The following SBNO2 variants were observed in gnomAD, a reference collection of about 807,000 sequenced individuals.
SBNO2 encodes the protein protein strawberry notch homolog 2.
SBNO2 carries 89 observed loss-of-function variants against 146.3 expected under a neutral mutation model. That is an observed-to-expected ratio of 0.61 (90% CI 0.51 to 0.73). SBNO2 has a LOEUF of 0.73. SBNO2 is among the 30% of genes least tolerant of loss of function. The pLI is 0.00. For missense variants in SBNO2, 2,092 were observed against 2,003.7 expected (o/e 1.04, Z -0.84); for synonymous variants, 1,147 against 892.6 (o/e 1.29, Z -5.08).
In SBNO2 at chr19:1,117,337, G is replaced by A. The variant is rs775061406; in HGVS notation, c.1690C>T (p.Leu564=). ...RRLVELAREE[L]ARDKCVVIGL... ...CAGCCGCTCACCTTGTCTCGCGCCA[G>A]CTCCTCTCGGGCCAGCTCCACCAGC... Residue 564 remains leucine (L), a synonymous_variant, in exon 15 of 32, where the codon CTG becomes TTG. Transcript: ENST00000361757. The A allele has an allele frequency of 4.7e-5, 74 of 1,571,564 alleles. No homozygotes were observed. Among genetic ancestry groups the A allele is most frequent in the Non-Finnish European group, 5.8e-5 (67 of 1,159,874 alleles).
At chr19:1,133,942 G>A (rs751027156) in intron 4 of SBNO2, among the ~76,000 whole-genome samples, 1 of 152,232 alleles carries the variant, frequency 6.6e-6, no homozygotes, top group African/African-American at 2.4e-5. Flanking sequence ...CCCAGCAGCT[G>A]CACTCCCACG....
chr19:1,154,691 AG>A (rs1009281735), intron 1 of SBNO2, among the ~76,000 whole-genome samples: 3 of 152,210 alleles, frequency 2.0e-5, no homozygotes, highest in Admixed American at 6.5e-5. Flanking sequence ...GGGCAGCCGT[AG>A]GACCAGGCAC....
chr19:1,123,793 C>G (rs1599841733), intron 6 of SBNO2, 149 bp downstream of exon 6: 1 of 1,053,870 alleles, frequency 9.5e-7, no homozygotes, highest in East Asian at 2.6e-5. Context: ...GGTGCTCCCC[C>G]AGGGCCTCCA....
At chr19:1,156,221 C>T (rs113187151) in intron 1 of SBNO2, among the ~76,000 whole-genome samples, 3,109 of 152,280 alleles carry the variant, frequency 0.02, 62 homozygotes, top group Non-Finnish European at 0.034. Context: ...GAGCCCCCCA[C>T]GTCTGTGGAC....
rs2080496725 is a variant in SBNO2, at chr19:1,173,045, C to T, written c.-127+1127G>A. On this transcript the variant is annotated intron_variant, in intron 1 of 31. Coordinates refer to ENST00000361757, the MANE Select transcript of SBNO2 (RefSeq NM_014963.3). This position sits in a 1 kb window ranked among gnomAD's most constrained non-coding sequence, Gnocchi z 4.7. ...ATGTTAATCAGTTCATCCAGGGAGA[C>T]ACCCACCGTCCCTGCCCCAGCACCA... Among the ~76,000 whole-genome samples, 1 of 150,920 alleles carries T rather than the reference C, an allele frequency of 6.6e-6. No homozygotes were observed. The highest frequency in any genetic ancestry group is 1.5e-5 in the Non-Finnish European group (1 of 67,816).
In SBNO2 at chr19:1,109,689, G is replaced by T. The variant is rs2079730698; in HGVS notation, c.3117C>A (p.Phe1039Leu). The change falls in exon 27 of 32, where the codon TTC becomes TTA. Residue 1039 changes from phenylalanine (F) to leucine (L), a missense_variant. Transcript: ENST00000361757. The surrounding 1 kb of genome is among the most constrained non-coding windows in gnomAD (Gnocchi z 4.2). ...TGTGGGGCTTCCTGCTGACCTTGTA[G>T]AAGACCACCTGCCCGTCCTGCGGGT... Reference protein sequence around the residue: ...PGHPQDGQVVFYKISVDRGLK... With the variant: ...PGHPQDGQVVLYKISVDRGLK... The T allele has an allele frequency of 6.2e-7, 1 of 1,607,990 alleles. No homozygotes were observed.
At chr19:1,113,500 C>A in intron 19 of SBNO2, 35 bp downstream of exon 19, 2 of 1,551,426 alleles carry the variant, frequency 1.3e-6, no homozygotes, top group South Asian at 1.2e-5. Context: ...GCCCATGCCC[C>A]GCCCACCACA....
intron 1 of SBNO2, among the ~76,000 whole-genome samples, chr19:1,171,161 G>C (rs571531923): frequency 6.6e-6 from 1 of 151,286 alleles, no homozygotes; most frequent in Admixed American, 6.6e-5. Context: ...AAACACACGC[G>C]TATGAAACAC....
At chr19:1,156,256 G>C (rs1165650443) in intron 1 of SBNO2, among the ~76,000 whole-genome samples, 1 of 152,156 alleles carries the variant, frequency 6.6e-6, no homozygotes, top group African/African-American at 2.4e-5. Flanking sequence ...GCAACCCCAG[G>C]AGGCTCAGGG....
chr19:1,122,506 T>C lies in SBNO2; in HGVS notation c.967A>G (p.Ile323Val). The change falls in exon 10 of 32, where the codon ATC (isoleucine) becomes GTC (valine). Residue 323 changes from isoleucine (I) to valine (V), a missense_variant. By Grantham distance (29) the Ile-to-Val change is conservative. Coordinates refer to ENST00000361757, the MANE Select transcript of SBNO2 (RefSeq NM_014963.3). ...KYDAERDLRDIEATGIAVHAL... is the reference protein window; with the variant it reads ...KYDAERDLRDVEATGIAVHAL... Reference sequence around the variant, plus strand: ...TGCACCGCGATGCCCGTGGCTTCGATGTCCCGCAGGTCGCGCTCCGCATCG... The same window carrying C: ...TGCACCGCGATGCCCGTGGCTTCGACGTCCCGCAGGTCGCGCTCCGCATCG... The C allele has an allele frequency of 4.5e-6, 7 of 1,571,314 alleles. No individual in the cohort carries two copies. The highest frequency in any genetic ancestry group is 1.2e-5 in the South Asian group (1 of 86,068).
chr19:1,113,786 G>C (rs930699001), intron 18 of SBNO2, 82 bp from the exon 19 acceptor site: 16 of 1,385,772 alleles, frequency 1.2e-5, no homozygotes, highest in Admixed American at 7.3e-5. Flanking sequence ...CCCCTGGAGG[G>C]CAAGGACAAG....
chr19:1,132,342 G>A, intron 4 of SBNO2: 4 of 1,256,942 alleles, frequency 3.2e-6, no homozygotes, highest in Non-Finnish European at 4.1e-6. Context: ...AATGATGCCG[G>A]CCCCGTAAGT....
intron 17 of SBNO2, among the ~76,000 whole-genome samples, chr19:1,114,652 ATTTTC>A (rs1437729228): frequency 1.3e-5 from 2 of 151,516 alleles, no homozygotes; most frequent in African/African-American, 2.4e-5. Context: ...TTATTTATTT[ATTTTC>A]TTTTGAGACG....
intron 1 of SBNO2, among the ~76,000 whole-genome samples, chr19:1,170,217 C>T (rs112654501): frequency 4.8e-4 from 73 of 152,332 alleles, no homozygotes; most frequent in Non-Finnish European, 5.1e-4. Flanking sequence ...CCGAAATCCC[C>T]GTCTTGGCCA....
chr19:1,164,725 A>G (rs368612805), intron 1 of SBNO2, among the ~76,000 whole-genome samples: 120 of 1,958 alleles, frequency 0.061, no homozygotes, highest in Middle Eastern at 0.5. Flanking sequence ...AGGAACAGGA[A>G]GAGGAGGAGG....
chr19:1,144,787 GAGAC>G lies in SBNO2; in HGVS notation c.279+2518_279+2521del, dbSNP rs1264342089. Among the ~76,000 whole-genome samples, 3 of 151,262 alleles carry G rather than the reference GAGAC, an allele frequency of 2.0e-5. No individual in the cohort carries two copies. Among genetic ancestry groups the G allele is most frequent in the African/African-American group, 7.3e-5 (3 of 41,104 alleles). ...AGACAGAGGCAGAGACAAAGAGACAGAGACAGAGAGGGAGACAGAGAGACAGAGA... is the reference window on the plus strand; with the variant it reads ...AGACAGAGGCAGAGACAAAGAGACAGAGAGAGGGAGACAGAGAGACAGAGA... On this transcript the variant is annotated intron_variant, in intron 4 of 31. Transcript: ENST00000361757. This position sits in a 1 kb window ranked among gnomAD's most constrained non-coding sequence, Gnocchi z 4.1.
Position 1,112,096 on chromosome 19 carries a change from G to C in SBNO2, c.2629-29C>G, listed in dbSNP as rs1334244810. The C allele has an allele frequency of 6.2e-7, 1 of 1,611,440 alleles. No homozygotes were observed. The highest frequency in any genetic ancestry group is 2.2e-5 in the East Asian group (1 of 44,854). On this transcript the variant is annotated intron_variant, in intron 22 of 31. Coordinates refer to ENST00000361757, the MANE Select transcript of SBNO2 (RefSeq NM_014963.3). This position sits in a 1 kb window ranked among gnomAD's most constrained non-coding sequence, Gnocchi z 5.9. The stretch of plus-strand genomic sequence containing the variant: ...CCAGGGGTGGGGAGGCCATCAGTTG[G>C]TCACCTGGGGTCTGGCCTCTAGCAC...
Position 1,108,272 on chromosome 19 carries a change from T to G in SBNO2, c.4049A>C (p.Gln1350Pro). The change falls in exon 32 of 32, where the codon CAG (glutamine) becomes CCG (proline). Residue 1350 changes from glutamine (Q) to proline (P), a missense_variant. Physicochemically the swap from Gln to Pro is moderately conservative, Grantham distance 76. Transcript: ENST00000361757. ...GGGTGGGCTGAACTGGATCACGCTC[T>G]GCCGCTCGGGACCACCGCCCGCCGC... ...GGAAGGGPER[Q>P]SVIQFSPPFP... The G allele has an allele frequency of 6.6e-7, 1 of 1,518,156 alleles. No individual in the cohort carries two copies. Among genetic ancestry groups the G allele is most frequent in the Non-Finnish European group, 8.8e-7 (1 of 1,131,180 alleles). The allele number at this position is 1,518,156 out of a possible 1,614,324, so 94.0% of individuals were successfully genotyped here. A position where few individuals can be genotyped will look rare whatever the true frequency, so the allele number is the denominator to read the frequency against.
At chr19:1,117,009 G>C (rs1355219117) in intron 15 of SBNO2, 83 bp from the exon 16 acceptor site, 1 of 1,233,322 alleles carries the variant, frequency 8.1e-7, no homozygotes, top group African/African-American at 1.5e-5. Flanking sequence ...CTGGGGTGAT[G>C]GCCACATCCC....
Sources: allele counts gnomAD v4.1 joint callset (sites outside exome capture counted in the v4.1 genomes callset), GRCh38; gene constraint gnomAD v4.1.1; non-coding constraint Gnocchi (gnomAD v3.1); transcripts MANE v1.5; gene names NCBI Gene and HGNC (gene_info 2026-07-23, HGNC 2026-07-21).